The following SOBP variants were observed in gnomAD, a reference collection of about 807,000 sequenced individuals.
The protein encoded by SOBP is sine oculis binding protein homolog.
Under a neutral mutation model 53.6 loss-of-function variants are expected in SOBP, and 4 were observed. The observed-to-expected ratio is 0.07, with a 90% CI of 0.04 to 0.17. The LOEUF is 0.17. SOBP is among the 10% of genes least tolerant of loss of function. The pLI is 1.00. For missense variants in SOBP, 1,088 were observed against 1,204.7 expected, an observed-to-expected ratio of 0.90 and a Z score of 1.43; for synonymous variants, 584 against 522.6, an observed-to-expected ratio of 1.12 and a Z score of -1.60.
At chr6:107,490,770 T>G (rs1782559203) in intron 1 of SOBP, 58 bp downstream of exon 1, 1 of 1,343,950 alleles carries the variant, frequency 7.4e-7, no homozygotes, top group Non-Finnish European at 1.0e-6. Flanking sequence ...CCGCTCCCCG[T>G]GGGCCGTGGT....
intron 4 of SOBP, among the ~76,000 whole-genome samples, chr6:107,570,908 A>G (rs1002325357): frequency 1.3e-5 from 2 of 152,242 alleles, no homozygotes; most frequent in African/African-American, 4.8e-5. Flanking sequence ...GGGCCAATAA[A>G]AATGCAATTT....
intron 4 of SOBP, among the ~76,000 whole-genome samples, chr6:107,537,074 A>T (rs111697019): frequency 6.6e-6 from 1 of 152,204 alleles, no homozygotes; most frequent in East Asian, 1.9e-4. Flanking sequence ...CTTGTAATTC[A>T]TCTAGGAATT....
intron 5 of SOBP, among the ~76,000 whole-genome samples, chr6:107,590,532 A>T (rs935315725): frequency 6.6e-6 from 1 of 152,204 alleles, no homozygotes; most frequent in African/African-American, 2.4e-5. Flanking sequence ...TCAGTTCCAG[A>T]TTCCTGAGCC....
At chr6:107,642,503 A>G (rs1771372855) in intron 6 of SOBP, among the ~76,000 whole-genome samples, 1 of 152,250 alleles carries the variant, frequency 6.6e-6, no homozygotes, top group Admixed American at 6.5e-5. Flanking sequence ...GACTGAATTA[A>G]TGATCATAAG....
At chr6:107,613,552 T>C (rs1786674889) in intron 5 of SOBP, among the ~76,000 whole-genome samples, 1 of 152,236 alleles carries the variant, frequency 6.6e-6, no homozygotes, top group Non-Finnish European at 1.5e-5. Context: ...CTGAGAATTA[T>C]AGAAGTAGTA....
chr6:107,572,349 G>A (rs1286001094), intron 4 of SOBP, among the ~76,000 whole-genome samples: 1 of 149,644 alleles, frequency 6.7e-6, no homozygotes, highest in Non-Finnish European at 1.5e-5. Flanking sequence ...TATCGCCCAG[G>A]CTGGGGTGCA....
chr6:107,633,933 T>A lies in SOBP; in HGVS notation c.1089T>A (p.Pro363=). Residue 363 remains proline (P), a synonymous_variant, in exon 6 of 7, where the codon CCT becomes CCA. Coordinates refer to ENST00000317357, the MANE Select transcript of SOBP (RefSeq NM_018013.4). The part of the protein sequence containing the change: ...IPISETPNIP[P]VSVQPPASIG... The stretch of plus-strand genomic sequence containing the variant: ...TCAGCGAGACTCCAAATATCCCTCC[T>A]GTCTCCGTCCAGCCACCTGCTAGCA... 6.2e-7 allele frequency: 1 copy of A among 1,614,182 alleles called. No homozygotes were observed. Among genetic ancestry groups the A allele is most frequent in the East Asian group, 2.2e-5 (1 of 44,848 alleles).
chr6:107,587,539 A>G (rs1275602736), intron 5 of SOBP, among the ~76,000 whole-genome samples: 1 of 152,298 alleles, frequency 6.6e-6, no homozygotes, highest in East Asian at 1.9e-4. Context: ...TCCTCATTGT[A>G]CACTATTTTA....
At chr6:107,608,760 A>G (rs1365872839) in intron 5 of SOBP, among the ~76,000 whole-genome samples, 1 of 152,252 alleles carries the variant, frequency 6.6e-6, no homozygotes, top group Non-Finnish European at 1.5e-5. Flanking sequence ...AAGGGCAGAT[A>G]TGACAGGAAC....
chr6:107,655,149 G>T (rs1274621577), intron 6 of SOBP, among the ~76,000 whole-genome samples: 4 of 152,010 alleles, frequency 2.6e-5, no homozygotes, highest in Non-Finnish European at 5.9e-5. Flanking sequence ...AGATTCTTCT[G>T]CTTGGCAAGG....
At chr6:107,532,585 GT>G (rs1783862609) in intron 3 of SOBP, among the ~76,000 whole-genome samples, 1 of 152,008 alleles carries the variant, frequency 6.6e-6, no homozygotes, top group African/African-American at 2.4e-5. Context: ...AGTTAAATTT[GT>G]TTTCTTCTCA....
At chr6:107,619,500 C>A (rs1583279656) in intron 5 of SOBP, among the ~76,000 whole-genome samples, 1 of 152,122 alleles carries the variant, frequency 6.6e-6, no homozygotes, top group Middle Eastern at 3.4e-3. Flanking sequence ...GCCATGGGAT[C>A]CTTTTTGGGG....
chr6:107,624,183 G>A (rs1263848176), intron 5 of SOBP, among the ~76,000 whole-genome samples: 1 of 152,236 alleles, frequency 6.6e-6, no homozygotes, highest in Non-Finnish European at 1.5e-5. Flanking sequence ...GCATTCTTGG[G>A]TGGCATTAGC....
chr6:107,604,834 G>A (rs909682399), intron 5 of SOBP, among the ~76,000 whole-genome samples: 9 of 152,188 alleles, frequency 5.9e-5, no homozygotes, highest in Non-Finnish European at 1.3e-4. Context: ...GCATGTGTGC[G>A]TCTTCATGGG....
At chr6:107,505,418 G>C (rs2114947829) in intron 2 of SOBP, among the ~76,000 whole-genome samples, 1 of 151,706 alleles carries the variant, frequency 6.6e-6, no homozygotes, top group South Asian at 2.1e-4. Context: ...CGCCTCCTGG[G>C]TTCAAGCGAT....
intron 4 of SOBP, among the ~76,000 whole-genome samples, chr6:107,570,078 T>A (rs1055755522): frequency 6.6e-6 from 1 of 152,212 alleles, no homozygotes; most frequent in Admixed American, 6.5e-5. Context: ...ATAACGGGAC[T>A]GGTTAAATAC....
At chr6:107,642,099 T>G (rs894125805) in intron 6 of SOBP, among the ~76,000 whole-genome samples, 15 of 152,234 alleles carry the variant, frequency 9.9e-5, no homozygotes, top group South Asian at 4.1e-4. Context: ...AGAAAGAAAT[T>G]AGCTTTAGAA....
chr6:107,543,193 C>T (rs1313146161), intron 4 of SOBP, among the ~76,000 whole-genome samples: 2 of 152,134 alleles, frequency 1.3e-5, no homozygotes, highest in Admixed American at 6.5e-5. Context: ...TACTTTGGGG[C>T]AGGTTGATTC....
At chr6:107,627,856 CA>C (rs753901912) in intron 5 of SOBP, among the ~76,000 whole-genome samples, 2 of 152,176 alleles carry the variant, frequency 1.3e-5, no homozygotes, top group Non-Finnish European at 2.9e-5. Flanking sequence ...TTCCTTCCTT[CA>C]CTCAAATCCA....
Sources: allele counts gnomAD v4.1 joint callset (sites outside exome capture counted in the v4.1 genomes callset), GRCh38; gene constraint gnomAD v4.1.1; transcripts MANE v1.5; gene names NCBI Gene and HGNC (gene_info 2026-07-23, HGNC 2026-07-21).